The following ATAD1 variants were observed in gnomAD, a reference collection of about 807,000 sequenced individuals.
ATAD1 encodes the protein ATPase family AAA domain containing 1.
ATAD1 carries 18 observed loss-of-function variants against 42.7 expected under a neutral mutation model. That is an observed-to-expected ratio of 0.42 (90% confidence interval 0.29 to 0.63). The LOEUF (loss-of-function observed/expected upper bound fraction) is 0.63. Among genes scored for constraint, ATAD1 ranks in the 20% least tolerant of loss-of-function variants. ATAD1 has a pLI of 0.19. For synonymous variants in ATAD1, 132 were observed against 143.1 expected, an observed-to-expected ratio of 0.92 and a Z score of 0.55; for missense variants, 294 against 440.4, an observed-to-expected ratio of 0.67 and a Z score of 2.98.
chr10:87,782,085 G>GA (rs1238642874), intron 5 of ATAD1, among the ~76,000 whole-genome samples: 2 of 151,832 alleles, frequency 1.3e-5, no homozygotes, highest in Admixed American at 1.3e-4. Flanking sequence ...TGCAGACCTA[G>GA]AAAAAAACCA....
intron 2 of ATAD1, among the ~76,000 whole-genome samples, chr10:87,803,237 G>A (rs912706702): frequency 6.6e-6 from 1 of 152,062 alleles, no homozygotes; most frequent in Non-Finnish European, 1.5e-5. Flanking sequence ...GGACCTATCC[G>A]TCAAGGAATA....
rs201906411 is a variant in ATAD1, at chr10:87,776,381, G to A, written c.630C>T (p.Ala210=). Residue 210 remains alanine (A), a synonymous_variant, in exon 6 of 10, where the codon GCC becomes GCT. Coordinates refer to ENST00000680024, the MANE Select transcript of ATAD1 (RefSeq NM_001321967.2). The part of the protein sequence containing the change: ...NRSSSDHEAT[A]MMKAQFMSLW... Reference sequence around the variant, plus strand: ...GACTCATAAACTGAGCTTTCATCATGGCTGTAGCTTCATGGTCAGAACTTG... The same window carrying A: ...GACTCATAAACTGAGCTTTCATCATAGCTGTAGCTTCATGGTCAGAACTTG... 5.2e-5 allele frequency: 84 copies of A among 1,613,840 alleles called. No homozygotes were observed. In the Admixed American group the frequency reaches 1.4e-3, roughly 27 times the overall value.
intron 9 of ATAD1, 32 bp from the exon 10 acceptor site, chr10:87,754,839 A>G (rs1221636603): frequency 6.2e-7 from 1 of 1,601,618 alleles, no homozygotes; most frequent in Non-Finnish European, 8.5e-7. Context: ...CAAATACTCA[A>G]ATAACTTTAG....
Position 87,751,775 on chromosome 10 carries a change from T to C in ATAD1, c.*2912A>G, listed in dbSNP as rs973468504. 6.6e-6 allele frequency: 1 copy of C among 152,188 alleles called. No individual in the cohort carries two copies. Among genetic ancestry groups the C allele is most frequent in the African/African-American group, 2.4e-5 (1 of 41,450 alleles). The allele number at this position is 152,188 out of a possible 1,614,324, so 9.4% of individuals were successfully genotyped here. A position where few individuals can be genotyped will look rare whatever the true frequency, so the allele number is the denominator to read the frequency against. On this transcript the variant is annotated 3_prime_UTR_variant, in exon 10 of 10. Transcript: ENST00000680024. Reference sequence around the variant, plus strand: ...CCAGTTGGTGCTGGAGTTTCAGCCATGCACTATATATATTCAGCATATCAG... The same window carrying C: ...CCAGTTGGTGCTGGAGTTTCAGCCACGCACTATATATATTCAGCATATCAG...
intron 1 of ATAD1, among the ~76,000 whole-genome samples, chr10:87,838,973 A>C (rs1857980182): frequency 6.6e-6 from 1 of 152,202 alleles, no homozygotes; most frequent in Admixed American, 6.5e-5. Context: ...TCATGAAAAA[A>C]TTCTTGGCAC....
chr10:87,766,367 T>C (rs565878182), intron 8 of ATAD1, among the ~76,000 whole-genome samples: 6 of 152,304 alleles, frequency 3.9e-5, no homozygotes, highest in Non-Finnish European at 7.4e-5. Flanking sequence ...CAATGTGGCA[T>C]TGATTCACTA....
At chr10:87,838,032 C>T (rs1406507209) in intron 1 of ATAD1, among the ~76,000 whole-genome samples, 1 of 152,128 alleles carries the variant, frequency 6.6e-6, no homozygotes, top group East Asian at 1.9e-4. Context: ...TCTGTCTGTG[C>T]GTATTCTGAG....
chr10:87,813,159 T>C (rs1239178739), intron 2 of ATAD1, among the ~76,000 whole-genome samples: 1 of 152,168 alleles, frequency 6.6e-6, no homozygotes, highest in Non-Finnish European at 1.5e-5. Flanking sequence ...ATATGTGTAT[T>C]CAGGAGTTCT....
Position 87,784,658 on chromosome 10 carries a change from T to C in ATAD1, c.395A>G (p.Tyr132Cys), listed in dbSNP as rs776576599. 5.6e-6 allele frequency: 9 copies of C among 1,612,582 alleles called. No individual in the cohort carries two copies. Among genetic ancestry groups the C allele is most frequent in the Admixed American group, 3.3e-5 (2 of 59,986 alleles). ...CGTTTTACCACAGCCTGGAGGCCCA[T>C]AGAGAAGAACACCTGGAAATGAATA... ...LLQPPKGVLL[Y>C]GPPGCGKTLI... is the part of the protein sequence containing the mutation. Residue 132 changes from tyrosine to cysteine, a missense_variant, in exon 5 of 10, where the codon TAT becomes TGT. Tyr to Cys is a radical substitution (Grantham distance 194, BLOSUM62 -2). Around this residue, in one of 3 missense-constraint regions of ATAD1, gnomAD observed 121 missense variants for 187.3 expected, o/e 0.65. Coordinates refer to ENST00000680024, the MANE Select transcript of ATAD1 (RefSeq NM_001321967.2).
chr10:87,792,567 C>G (rs1856176159), intron 3 of ATAD1, 90 bp downstream of exon 3: 2 of 900,940 alleles, frequency 2.2e-6, no homozygotes, highest in Non-Finnish European at 3.5e-6. Context: ...AATCAAAGAA[C>G]CCGGCCGTGA....
intron 4 of ATAD1, among the ~76,000 whole-genome samples, chr10:87,789,757 A>G (rs1389239003): frequency 1.3e-5 from 2 of 152,124 alleles, no homozygotes; most frequent in Admixed American, 6.6e-5. Context: ...AAAAAAAAAG[A>G]AAGATTTGAA....
chr10:87,792,795 T>C, intron 2 of ATAD1, 40 bp from the exon 3 acceptor site: 1 of 1,436,744 alleles, frequency 7.0e-7, no homozygotes, highest in South Asian at 1.1e-5. Context: ...TGATTTGATA[T>C]TTAGATACTG....
chr10:87,796,755 T>C (rs1173941884), intron 2 of ATAD1, among the ~76,000 whole-genome samples: 1 of 152,216 alleles, frequency 6.6e-6, no homozygotes, highest in Non-Finnish European at 1.5e-5. Flanking sequence ...ACAAATATCC[T>C]ATCGGAGCTT....
At chr10:87,780,906 C>T (rs1361474748) in intron 5 of ATAD1, among the ~76,000 whole-genome samples, 1 of 152,152 alleles carries the variant, frequency 6.6e-6, no homozygotes, top group African/African-American at 2.4e-5. Context: ...CCATCTTTGC[C>T]TGGGCTCTGA....
At chr10:87,790,043 G>A (rs1856021579) in intron 4 of ATAD1, among the ~76,000 whole-genome samples, 1 of 152,050 alleles carries the variant, frequency 6.6e-6, no homozygotes, top group Non-Finnish European at 1.5e-5. Flanking sequence ...CTTTAATCTT[G>A]ATTTTCCAAA....
intron 1 of ATAD1, among the ~76,000 whole-genome samples, chr10:87,836,231 A>T (rs1857927001): frequency 6.6e-6 from 1 of 151,934 alleles, no homozygotes; most frequent in African/African-American, 2.4e-5. Context: ...GCTAAAAGTG[A>T]TCCTCCCACC....
chr10:87,789,727 G>T (rs1856004349), intron 4 of ATAD1, among the ~76,000 whole-genome samples: 1 of 150,392 alleles, frequency 6.6e-6, no homozygotes, highest in Non-Finnish European at 1.5e-5. Flanking sequence ...ATCTCAAAAA[G>T]AAAAGAAAAG....
chr10:87,758,566 A>G (rs1854332506), intron 8 of ATAD1, among the ~76,000 whole-genome samples: 1 of 152,192 alleles, frequency 6.6e-6, no homozygotes, highest in African/African-American at 2.4e-5. Flanking sequence ...GGTTTATAAT[A>G]GACAATACTT....
chr10:87,787,057 T>C (rs1855872459), intron 4 of ATAD1, among the ~76,000 whole-genome samples: 1 of 152,188 alleles, frequency 6.6e-6, no homozygotes, highest in African/African-American at 2.4e-5. Context: ...TTCTATATAC[T>C]TTCCTAAAAT....
Sources: allele counts gnomAD v4.1 joint callset (sites outside exome capture counted in the v4.1 genomes callset), GRCh38; gene constraint gnomAD v4.1.1; regional missense constraint gnomAD v4.1.1; transcripts MANE v1.5; gene names NCBI Gene and HGNC (gene_info 2026-07-23, HGNC 2026-07-21).